The following TIFAB variants were observed in gnomAD, a reference collection of about 807,000 sequenced individuals.
The protein encoded by TIFAB is TIFA inhibitor.
For synonymous variants in TIFAB, 116 were observed against 95.2 expected, an observed-to-expected ratio of 1.22 and a Z score of -1.27; for missense variants, 222 against 203.6, an observed-to-expected ratio of 1.09 and a Z score of -0.55.
rs1769213549 is a variant in TIFAB, at chr5:135,444,280, TCA to T, written c.*5172_*5173del. On this transcript the variant is annotated 3_prime_UTR_variant, in exon 2 of 2. Coordinates refer to ENST00000537858, the MANE Select transcript of TIFAB (RefSeq NM_001099221.2). ...GAGTTCACGTTAAAGGTAAGAGGAA[TCA>T]CAGCCCTGCAATTCAAATAGGGTTC... is the stretch of plus-strand genomic sequence containing the variant. The T allele has an allele frequency of 6.6e-6, 1 of 152,342 alleles. No individual in the cohort carries two copies. The highest frequency in any genetic ancestry group is 1.9e-4 in the East Asian group (1 of 5,194). The allele number at this position is 152,342 out of a possible 1,614,324, so 9.4% of individuals were successfully genotyped here.
intron 1 of TIFAB, among the ~76,000 whole-genome samples, chr5:135,451,949 G>A (rs1219293519): frequency 2.0e-5 from 3 of 152,222 alleles, no homozygotes; most frequent in Admixed American, 2.0e-4. Flanking sequence ...ATTCACAGTT[G>A]CTGTGTGGCC....
chr5:135,449,751 G>T lies in TIFAB; in HGVS notation c.189C>A (p.Tyr63Ter). The T allele has an allele frequency of 6.2e-7, 1 of 1,613,828 alleles. No individual in the cohort carries two copies. Among genetic ancestry groups the T allele is most frequent in the South Asian group, 1.1e-5 (1 of 91,086 alleles). The change falls in exon 2 of 2, where the codon TAC becomes TAA. Residue 63 changes from tyrosine (Y) to a stop codon, truncating the protein, a stop_gained. Transcript: ENST00000537858. LOFTEE classifies it low-confidence loss of function (END_TRUNC). ...LSRRHLSLEP[Y>*]LEKGSALLAF... ...CCAGCAGGGCACTGCCTTTCTCCAG[G>T]TAGGGCTCCAGGGACAGGTGACGGC...
chr5:135,449,713 T>G lies in TIFAB; in HGVS notation c.227A>C (p.Lys76Thr). The change falls in exon 2 of 2, where the codon AAG (lysine) becomes ACG (threonine). Residue 76 changes from lysine to threonine, a missense_variant. Physicochemically the swap from Lys to Thr is moderately conservative, Grantham distance 78 (BLOSUM62 -1). Coordinates refer to ENST00000537858, the MANE Select transcript of TIFAB (RefSeq NM_001099221.2). ...CACACAGCCCTTGCGGCTCAGGGCCTTGAGGCAGAAGGCCAGCAGGGCACT... is the reference window on the plus strand; with the variant it reads ...CACACAGCCCTTGCGGCTCAGGGCCGTGAGGCAGAAGGCCAGCAGGGCACT... ...KGSALLAFCL[K>T]ALSRKGCVWV... 10 of 1,614,086 alleles carry G rather than the reference T, an allele frequency of 6.2e-6. No individual in the cohort carries two copies. The highest frequency in any genetic ancestry group is 6.8e-6 in the Non-Finnish European group (8 of 1,180,028).
intron 1 of TIFAB, 22 bp from the exon 2 acceptor site, chr5:135,449,971 A>T (rs1769338216): frequency 1.3e-6 from 2 of 1,513,610 alleles, no homozygotes; most frequent in African/African-American, 2.8e-5. Context: ...GAACATGGAC[A>T]CACAGGCTCA....
Position 135,449,412 on chromosome 5 carries a change from T to C in TIFAB, c.*42A>G. The C allele has an allele frequency of 6.2e-7, 1 of 1,601,660 alleles. No individual in the cohort carries two copies. Among genetic ancestry groups the C allele is most frequent in the Non-Finnish European group, 8.5e-7 (1 of 1,173,984 alleles). On this transcript the variant is annotated 3_prime_UTR_variant, in exon 2 of 2. Coordinates refer to ENST00000537858, the MANE Select transcript of TIFAB (RefSeq NM_001099221.2). ...CTTGGCTGGAGAGGGCTGTCCCAAG[T>C]CTGGGAAGGGCCGTGGAGAAACCCC...
At position 135,448,444 on chromosome 5, in the gene TIFAB, T is replaced by A. The variant is rs1355571982; in HGVS notation, c.*1010A>T. 1.3e-5 allele frequency: 2 copies of A among 151,672 alleles called. No homozygotes were observed. Among genetic ancestry groups the A allele is most frequent in the African/African-American group, 4.9e-5 (2 of 41,184 alleles). 9.4% of individuals were successfully genotyped at this position (151,672 alleles called of 1,614,324 possible). On this transcript the variant is annotated 3_prime_UTR_variant, in exon 2 of 2. Coordinates refer to ENST00000537858, the MANE Select transcript of TIFAB (RefSeq NM_001099221.2). ...TTCACCGAGAAAATCCTCCTGCCCT[T>A]GGCGTACCTGGCTCCTAACGAGTCC...
chr5:135,452,171 T>C, intron 1 of TIFAB, 38 bp downstream of exon 1: 1 of 152,258 alleles, frequency 6.6e-6, no homozygotes. Context: ...GGCCCTCCCT[T>C]CTCCCCATGG....
intron 1 of TIFAB, among the ~76,000 whole-genome samples, chr5:135,451,260 T>A (rs1769358374): frequency 6.6e-6 from 1 of 152,214 alleles, no homozygotes; most frequent in Non-Finnish European, 1.5e-5. Context: ...AGCGAGCCTG[T>A]TGCAGGTGGC....
intron 1 of TIFAB, among the ~76,000 whole-genome samples, chr5:135,450,258 T>C (rs1045721584): frequency 5.3e-5 from 8 of 152,230 alleles, no homozygotes; most frequent in Non-Finnish European, 8.8e-5. Context: ...GGTAATCTTT[T>C]GGTTATTTGG....
At position 135,446,158 on chromosome 5, in the gene TIFAB, C is replaced by T; in HGVS notation, c.*3296G>A. On this transcript the variant is annotated 3_prime_UTR_variant, in exon 2 of 2. Transcript: ENST00000537858. Reference sequence around the variant, plus strand: ...ACTCTAAGGAGGTAAGTACTGTGAACTTTCCCGTTTTCTACAAGAAGAAAC... The same window carrying T: ...ACTCTAAGGAGGTAAGTACTGTGAATTTTCCCGTTTTCTACAAGAAGAAAC... 1 of 566,254 alleles carries T rather than the reference C, an allele frequency of 1.8e-6. No individual in the cohort carries two copies. Among genetic ancestry groups the T allele is most frequent in the Non-Finnish European group, 3.0e-6 (1 of 335,186 alleles). The allele number at this position is 566,254 out of a possible 1,614,324, so 35.1% of individuals were successfully genotyped here.
intron 1 of TIFAB, 101 bp from the exon 2 acceptor site, chr5:135,450,050 T>C (rs1322135630): frequency 6.2e-6 from 9 of 1,442,572 alleles, no homozygotes; most frequent in African/African-American, 1.4e-5. Flanking sequence ...GCCCTGTGCC[T>C]GTTCATACAA....
In TIFAB at chr5:135,449,463, A is replaced by G; in HGVS notation, c.477T>C (p.Gly159=). The G allele has an allele frequency of 1.9e-6, 3 of 1,613,636 alleles. No individual in the cohort carries two copies. The highest frequency in any genetic ancestry group is 2.5e-6 in the Non-Finnish European group (3 of 1,179,848). Residue 159 remains glycine (G), a synonymous_variant, in exon 2 of 2, where the codon GGT becomes GGC. Coordinates refer to ENST00000537858, the MANE Select transcript of TIFAB (RefSeq NM_001099221.2). The part of the protein sequence containing the change: ...EGISQGQPPP[G]SG Reference sequence around the variant, plus strand: ...AGGCAACCTGGATCTGCTACCCTGAACCAGGGGGAGGCTGCCCCTGGGAGA... The same window carrying G: ...AGGCAACCTGGATCTGCTACCCTGAGCCAGGGGGAGGCTGCCCCTGGGAGA...
chr5:135,451,870 C>T (rs1201002431), intron 1 of TIFAB, among the ~76,000 whole-genome samples: 1 of 152,210 alleles, frequency 6.6e-6, no homozygotes, highest in African/African-American at 2.4e-5. Flanking sequence ...TGGCTGGAAA[C>T]TCAAGAGTTC....
In TIFAB at chr5:135,446,178, A is replaced by C; in HGVS notation, c.*3276T>G. 1 of 636,280 alleles carries C rather than the reference A, an allele frequency of 1.6e-6. No individual in the cohort carries two copies. The highest frequency in any genetic ancestry group is 2.6e-6 in the Non-Finnish European group (1 of 388,364). The allele number at this position is 636,280 out of a possible 1,614,324, so 39.4% of individuals were successfully genotyped here. The stretch of plus-strand genomic sequence containing the variant: ...GTGAACTTTCCCGTTTTCTACAAGA[A>C]GAAACTGTGGCACGGAGAGATTCAG... On this transcript the variant is annotated 3_prime_UTR_variant, in exon 2 of 2. Coordinates refer to ENST00000537858, the MANE Select transcript of TIFAB (RefSeq NM_001099221.2).
At position 135,446,016 on chromosome 5, in the gene TIFAB, CCATG is replaced by C; in HGVS notation, c.*3434_*3437del. On this transcript the variant is annotated 3_prime_UTR_variant, in exon 2 of 2. Coordinates refer to ENST00000537858, the MANE Select transcript of TIFAB (RefSeq NM_001099221.2). ...TTTTGTGCCTGAGTGTAGACTGGGT[CCATG>C]TGCCTACATGCATTCAGTTCCTCCC... 1 of 187,680 alleles carries C rather than the reference CCATG, an allele frequency of 5.3e-6. No homozygotes were observed. The highest frequency in any genetic ancestry group is 1.3e-4 in the South Asian group (1 of 7,410). The allele number at this position is 187,680 out of a possible 1,614,324, so 11.6% of individuals were successfully genotyped here.
chr5:135,451,480 T>G (rs562630205), intron 1 of TIFAB, among the ~76,000 whole-genome samples: 3 of 146,970 alleles, frequency 2.0e-5, no homozygotes, highest in African/African-American at 5.2e-5. Context: ...GCCTTTCTTT[T>G]TTTTCTTTTT....
Position 135,446,646 on chromosome 5 carries a change from G to T in TIFAB, c.*2808C>A, listed in dbSNP as rs761040438. 2 of 1,614,018 alleles carry T rather than the reference G, an allele frequency of 1.2e-6. No homozygotes were observed. Among genetic ancestry groups the T allele is most frequent in the Non-Finnish European group, 1.7e-6 (2 of 1,179,888 alleles). On this transcript the variant is annotated 3_prime_UTR_variant, in exon 2 of 2. Transcript: ENST00000537858. ...TTAACTGCCTTAAAAACTTGGTACA[G>T]GGCAAGGTGTGAGTTTCCCGGTGAG... is the stretch of plus-strand genomic sequence containing the variant.
At position 135,446,595 on chromosome 5, in the gene TIFAB, A is replaced by G; in HGVS notation, c.*2859T>C. ...GATTTCAGTGATTTTCTACTCAAGA[A>G]AAATGAAGTCTCGGATGGGCAGAGC... On this transcript the variant is annotated 3_prime_UTR_variant, in exon 2 of 2. Coordinates refer to ENST00000537858, the MANE Select transcript of TIFAB (RefSeq NM_001099221.2). 1 of 1,614,054 alleles carries G rather than the reference A, an allele frequency of 6.2e-7. No individual in the cohort carries two copies. The highest frequency in any genetic ancestry group is 8.5e-7 in the Non-Finnish European group (1 of 1,179,898).
Position 135,446,890 on chromosome 5 carries a change from G to C in TIFAB, c.*2564C>G, listed in dbSNP as rs760625228. On this transcript the variant is annotated 3_prime_UTR_variant, in exon 2 of 2. Transcript: ENST00000537858. The stretch of plus-strand genomic sequence containing the variant: ...GCAGGACCCCAGCTGGCAAGGTTTT[G>C]TTCCTCCCTGGAGGGTAGAGACCCT... The C allele has an allele frequency of 6.2e-6, 10 of 1,613,718 alleles. No homozygotes were observed. Among genetic ancestry groups the C allele is most frequent in the Non-Finnish European group, 8.5e-6 (10 of 1,179,738 alleles).
Sources: allele counts gnomAD v4.1 joint callset (sites outside exome capture counted in the v4.1 genomes callset), GRCh38; gene constraint gnomAD v4.1.1; transcripts MANE v1.5; gene names NCBI Gene and HGNC (gene_info 2026-07-23, HGNC 2026-07-21).